The following MAST1 variants were observed in gnomAD, a reference collection of about 807,000 sequenced individuals.
The protein encoded by MAST1 is microtubule-associated serine/threonine-protein kinase 1.
In MAST1, 40 loss-of-function variants were observed where a neutral mutation model predicts 124.6. That is an observed-to-expected ratio of 0.32 (90% confidence interval 0.25 to 0.42). The LOEUF is 0.42. Among genes scored for constraint, MAST1 ranks in the 10% least tolerant of loss-of-function variants. The pLI, the probability that MAST1 is intolerant of heterozygous loss-of-function variation, is 1.00. For synonymous variants in MAST1, 938 were observed against 939.4 expected (o/e 1.00, Z 0.03); for missense variants, 1,558 against 2,181.9 (o/e 0.71, Z 5.70).
rs1346281765 is a variant in MAST1 at position 12,867,870 on chromosome 19, G to A, written c.2459G>A (p.Arg820His). The change falls in exon 20 of 26, where the codon CGC becomes CAC. Residue 820 changes from arginine to histidine, a missense_variant. By Grantham distance (29) the Arg-to-His change is conservative. Transcript: ENST00000251472. ...GAGGACGAGGATGAGGCCCGGCTGC[G>A]CAGGCCTCCCCGGCCCAGCTCCGAC... Reference protein sequence around the residue: ...PQEDEDEARLRRPPRPSSDPA... With the variant: ...PQEDEDEARLHRPPRPSSDPA... The A allele has an allele frequency of 6.2e-7, 1 of 1,606,830 alleles. No homozygotes were observed. The highest frequency in any genetic ancestry group is 1.3e-5 in the African/African-American group (1 of 74,526).
chr19:12,844,110 C>T (rs1210435264), intron 4 of MAST1, among the ~76,000 whole-genome samples: 1 of 152,220 alleles, frequency 6.6e-6, no homozygotes, highest in Non-Finnish European at 1.5e-5. Flanking sequence ...GCCCAATGCT[C>T]TGCCCTCAAC....
At chr19:12,858,289 G>T in intron 10 of MAST1, 73 bp from the exon 11 acceptor site, 2 of 1,306,182 alleles carry the variant, frequency 1.5e-6, no homozygotes, top group Non-Finnish European at 2.2e-6. Flanking sequence ...GTTTCCCCAT[G>T]TGTAAAATGA....
At position 12,865,976 on chromosome 19, in the gene MAST1, C is replaced by A. The variant is rs1970149348; in HGVS notation, c.1907-4C>A. On this transcript the variant is annotated splice_region_variant and splice_polypyrimidine_tract_variant and intron_variant, in intron 16 of 25. Transcript: ENST00000251472. The surrounding 1 kb of genome is among the most constrained non-coding windows in gnomAD (Gnocchi z 7.1). ...AGCTGTGGCTGGAATCCCTTCCGTC[C>A]CAGGCGGCGCTTTTGAGGTGAAGCA... The A allele has an allele frequency of 6.2e-7, 1 of 1,613,704 alleles. No homozygotes were observed. Among genetic ancestry groups the A allele is most frequent in the South Asian group, 1.1e-5 (1 of 91,052 alleles).
chr19:12,853,576 A>T (rs1190694150), intron 10 of MAST1, among the ~76,000 whole-genome samples: 1 of 151,112 alleles, frequency 6.6e-6, no homozygotes, highest in East Asian at 2.0e-4. Context: ...ATTAAAAATA[A>T]TAAAGAATAG....
At chr19:12,844,389 G>A (rs776632348) in intron 4 of MAST1, among the ~76,000 whole-genome samples, 10 of 152,164 alleles carry the variant, frequency 6.6e-5, no homozygotes, top group South Asian at 2.1e-4. Flanking sequence ...TGTGGTAGGC[G>A]GGTTCTGCAA....
At position 12,843,592 on chromosome 19, in the gene MAST1, C is replaced by A. The variant is rs1222040439; in HGVS notation, c.312C>A (p.Pro104=). The A allele has an allele frequency of 6.2e-7, 1 of 1,613,540 alleles. No individual in the cohort carries two copies. The highest frequency in any genetic ancestry group is 1.3e-5 in the African/African-American group (1 of 74,974). ...LPSSGYGTNT[P]SSTVSSSCSS... ...CATCTGGCTATGGCACCAACACGCC[C>A]AGTTCCACCGTCTCGGTGAGTGTGG... The change falls in exon 4 of 26, where the codon CCC becomes CCA. Residue 104 remains proline, a synonymous_variant. Coordinates refer to ENST00000251472, the MANE Select transcript of MAST1 (RefSeq NM_014975.3). This position sits in a 1 kb window ranked among gnomAD's most constrained non-coding sequence, Gnocchi z 4.9.
chr19:12,864,906 G>A lies in MAST1; in HGVS notation c.1464G>A (p.Leu488=), dbSNP rs1254243698. ...FAETVLALEY[L]HNYGIVHRDL... ...AGACGGTGCTAGCCCTGGAGTATTT[G>A]CACAACTATGGCATCGTGCACCGCG... Residue 488 remains leucine (L), a synonymous_variant, in exon 13 of 26, where the codon TTG becomes TTA. Coordinates refer to ENST00000251472, the MANE Select transcript of MAST1 (RefSeq NM_014975.3). 1 of 1,614,126 alleles carries A rather than the reference G, an allele frequency of 6.2e-7. No individual in the cohort carries two copies. The highest frequency in any genetic ancestry group is 1.1e-5 in the South Asian group (1 of 91,080).
Position 12,858,609 on chromosome 19 carries a change from C to T in MAST1, c.1236C>T (p.Leu412=). Reference sequence around the variant, plus strand: ...AGATCAACAAGCAGAACTTGATCCTCCGCAACCAGATCCAGCAGGCCTTTG... The same window carrying T: ...AGATCAACAAGCAGAACTTGATCCTTCGCAACCAGATCCAGCAGGCCTTTG... The part of the protein sequence containing the change: ...MKKINKQNLI[L]RNQIQQAFVE... The change falls in exon 12 of 26, where the codon CTC becomes CTT. Residue 412 remains leucine, a synonymous_variant. Coordinates refer to ENST00000251472, the MANE Select transcript of MAST1 (RefSeq NM_014975.3). 6.2e-7 allele frequency: 1 copy of T among 1,614,258 alleles called. No individual in the cohort carries two copies. Among genetic ancestry groups the T allele is most frequent in the Non-Finnish European group, 8.5e-7 (1 of 1,180,042 alleles).
Position 12,874,277 on chromosome 19 carries a change from G to A in MAST1, c.4120G>A (p.Ala1374Thr). The change falls in exon 26 of 26, where the codon GCG (alanine) becomes ACG (threonine). Residue 1374 changes from alanine to threonine, a missense_variant. Physicochemically the swap from Ala to Thr is moderately conservative, Grantham distance 58 (BLOSUM62 0). Transcript: ENST00000251472. The surrounding 1 kb of genome is among the most constrained non-coding windows in gnomAD (Gnocchi z 6.6). ...CGCCGAGGCGTGCACCCCACCCCGC[G>A]CGACGACCCCCGGTGGCCGGACCCT... ...GGAEACTPPRATTPGGRTLER... is the reference protein window; with the variant it reads ...GGAEACTPPRTTTPGGRTLER... 1 of 1,587,178 alleles carries A rather than the reference G, an allele frequency of 6.3e-7. No individual in the cohort carries two copies. The highest frequency in any genetic ancestry group is 8.5e-7 in the Non-Finnish European group (1 of 1,172,498).
Position 12,858,750 on chromosome 19 carries a change from C to T in MAST1, c.1366+11C>T. 2 of 1,613,884 alleles carry T rather than the reference C, an allele frequency of 1.2e-6. No individual in the cohort carries two copies. The highest frequency in any genetic ancestry group is 1.7e-6 in the Non-Finnish European group (2 of 1,179,896). ...TGGAATATGTGGAAGGTGTGGCTGC[C>T]TGCGGGGCTGCAGGGAAGATGGGGC... On this transcript the variant is annotated intron_variant, in intron 12 of 25. Coordinates refer to ENST00000251472, the MANE Select transcript of MAST1 (RefSeq NM_014975.3).
intron 12 of MAST1, among the ~76,000 whole-genome samples, chr19:12,859,153 C>A (rs1970050754): frequency 6.6e-6 from 1 of 152,044 alleles, no homozygotes; most frequent in Non-Finnish European, 1.5e-5. Context: ...AATCTCGGTT[C>A]ACTGCAACCT....
At chr19:12,867,093 T>G (rs1970164300) in intron 18 of MAST1, among the ~76,000 whole-genome samples, 1 of 152,134 alleles carries the variant, frequency 6.6e-6, no homozygotes, top group Non-Finnish European at 1.5e-5. Context: ...AGTCTTGCTT[T>G]TATTTATTTA....
At chr19:12,840,092 A>G (rs1337818955) in intron 1 of MAST1, among the ~76,000 whole-genome samples, 1 of 152,226 alleles carries the variant, frequency 6.6e-6, no homozygotes, top group Non-Finnish European at 1.5e-5. Context: ...TGTTGAATTC[A>G]TACAGTGGAT....
intron 3 of MAST1, among the ~76,000 whole-genome samples, chr19:12,842,888 G>A (rs1969849413): frequency 6.6e-6 from 1 of 152,152 alleles, no homozygotes; most frequent in Non-Finnish European, 1.5e-5. Flanking sequence ...TTGCACGCGT[G>A]ATTGTGCATT....
intron 7 of MAST1, chr19:12,848,316 A>G (rs932797796): frequency 6.4e-6 from 3 of 467,640 alleles, no homozygotes; most frequent in African/African-American, 6.0e-5. Context: ...GGCGGTCCCC[A>G]GTCATTTAAA....
Position 12,874,416 on chromosome 19 carries a change from C to G in MAST1, c.4259C>G (p.Thr1420Arg). The stretch of plus-strand genomic sequence containing the variant: ...CTGAGCCCGGTGCAGGAACACGAGA[C>G]AGGCCGGCGCAGCAGCTCTGGCGAG... ...AALSPVQEHETGRRSSSGEAG... is the reference protein window; with the variant it reads ...AALSPVQEHERGRRSSSGEAG... Residue 1420 changes from threonine to arginine, a missense_variant, in exon 26 of 26, where the codon ACA (threonine) becomes AGA (arginine). This residue lies in a region of MAST1 where 263 missense variants were observed against 310.9 expected (regional missense o/e 0.85). Transcript: ENST00000251472. This position sits in a 1 kb window ranked among gnomAD's most constrained non-coding sequence, Gnocchi z 6.6. 6.3e-7 allele frequency: 1 copy of G among 1,598,506 alleles called. No homozygotes were observed. Among genetic ancestry groups the G allele is most frequent in the East Asian group, 2.2e-5 (1 of 44,806 alleles).
chr19:12,872,350 G>C (rs1970246700), intron 24 of MAST1, among the ~76,000 whole-genome samples: 2 of 152,268 alleles, frequency 1.3e-5, no homozygotes, highest in South Asian at 4.1e-4. Flanking sequence ...AGACGGGGTT[G>C]AGATAAGTAC....
intron 12 of MAST1, among the ~76,000 whole-genome samples, chr19:12,863,090 C>T (rs942485512): frequency 2.2e-5 from 3 of 134,346 alleles, no homozygotes; most frequent in African/African-American, 5.7e-5. Context: ...GGTGAGTGGG[C>T]AGAGGTTGCA....
Position 12,870,899 on chromosome 19 carries a change from C to G in MAST1, c.3079C>G (p.Pro1027Ala), listed in dbSNP as rs929603555. Residue 1027 changes from proline (P) to alanine (A), a missense_variant, in exon 23 of 26, where the codon CCT (proline) becomes GCT (alanine). This residue lies in a region of MAST1 where 291 missense variants were observed against 475.8 expected (regional missense o/e 0.61). Transcript: ENST00000251472. ...CCTCATCACCCACGTGAATGGGGAGCCTGTGCATGGCATGGTGCATCCTGA... is the reference window on the plus strand; with the variant it reads ...CCTCATCACCCACGTGAATGGGGAGGCTGTGCATGGCATGGTGCATCCTGA... Reference protein sequence around the residue: ...GDLITHVNGEPVHGMVHPEVV... With the variant: ...GDLITHVNGEAVHGMVHPEVV... 1.9e-6 allele frequency: 3 copies of G among 1,614,060 alleles called. No individual in the cohort carries two copies. The East Asian group carries it at 6.7e-5, about 36-fold the overall frequency.
Sources: allele counts gnomAD v4.1 joint callset (sites outside exome capture counted in the v4.1 genomes callset), GRCh38; gene constraint gnomAD v4.1.1; regional missense constraint gnomAD v4.1.1; non-coding constraint Gnocchi (gnomAD v3.1); transcripts MANE v1.5; gene names NCBI Gene and HGNC (gene_info 2026-07-23, HGNC 2026-07-21).